UBN1: variants seen among roughly 807,000 people sequenced by gnomAD.
The protein encoded by UBN1 is ubinuclein 1, also known as ubinuclein-1.
A neutral mutation model predicts 108.5 loss-of-function variants in UBN1; 17 were observed. That is an observed-to-expected ratio of 0.16 (90% CI 0.11 to 0.24). The LOEUF (loss-of-function observed/expected upper bound fraction) is 0.24, where lower values mean the gene tolerates loss of function less well. Among genes scored for constraint, UBN1 ranks in the 10% least tolerant of loss-of-function variants. The probability of loss-of-function intolerance (pLI) is 1.00; values close to 1 mark genes in which losing one functional copy is unlikely to be tolerated. For synonymous variants in UBN1, 726 were observed against 564.2 expected (o/e 1.29, Z -4.07); for missense variants, 1,595 against 1,394.4 (o/e 1.14, Z -2.29).
At position 4,848,217 on chromosome 16, in the gene UBN1, G is replaced by C. The variant is rs1386252779; in HGVS notation, c.-40+7G>C. ...GTCGGCGCTGGGGACAAAGGTGCGTGTCGTTGTCGGGTCCGGGCTCTCTCG... is the reference window on the plus strand; with the variant it reads ...GTCGGCGCTGGGGACAAAGGTGCGTCTCGTTGTCGGGTCCGGGCTCTCTCG... On this transcript the variant is annotated splice_region_variant and intron_variant, in intron 1 of 17. Transcript: ENST00000262376. The C allele has an allele frequency of 6.6e-6, 1 of 152,254 alleles. No homozygotes were observed. The highest frequency in any genetic ancestry group is 6.5e-5 in the Admixed American group (1 of 15,286). 9.4% of individuals were successfully genotyped at this position (152,254 alleles called of 1,614,324 possible). A position where few individuals can be genotyped will look rare whatever the true frequency, so the allele number is the denominator to read the frequency against.
chr16:4,872,178 C>T (rs1039858247), intron 12 of UBN1: 1 of 967,156 alleles, frequency 1.0e-6, no homozygotes, highest in African/African-American at 1.8e-5. Flanking sequence ...TTGCTGTCCT[C>T]TCTACGTAGG....
intron 1 of UBN1, among the ~76,000 whole-genome samples, chr16:4,849,082 G>C (rs1235170959): frequency 6.6e-6 from 1 of 152,172 alleles, no homozygotes; most frequent in Non-Finnish European, 1.5e-5. Flanking sequence ...CTAGGCGACA[G>C]AGCGAGCGAG....
chr16:4,880,347 G>A lies in UBN1; in HGVS notation c.*215G>A. 1.8e-6 allele frequency: 1 copy of A among 559,148 alleles called. No homozygotes were observed. The highest frequency in any genetic ancestry group is 3.2e-6 in the Non-Finnish European group (1 of 310,550). 34.6% of individuals were successfully genotyped at this position (559,148 alleles called of 1,614,324 possible). A position where few individuals can be genotyped will look rare whatever the true frequency, so the allele number is the denominator to read the frequency against. ...GAGGTGCAGACTGCCCCGTGCTCTG[G>A]GCCTTGCAGCTCTGTCGCTAGACGG... On this transcript the variant is annotated 3_prime_UTR_variant, in exon 18 of 18. Coordinates refer to ENST00000262376, the MANE Select transcript of UBN1 (RefSeq NM_001079514.3).
At chr16:4,858,524 G>T (rs754124490) in intron 3 of UBN1, 44 bp from the exon 4 acceptor site, 2 of 1,565,560 alleles carry the variant, frequency 1.3e-6, no homozygotes, top group South Asian at 2.2e-5. Flanking sequence ...TTAATTCTGT[G>T]TGTTTATTCA....
rs748751402 is a variant in UBN1, at chr16:4,853,053, C to T, written c.136C>T (p.Arg46Trp). 1 of 1,614,196 alleles carries T rather than the reference C, an allele frequency of 6.2e-7. No homozygotes were observed. Among genetic ancestry groups the T allele is most frequent in the Non-Finnish European group, 8.5e-7 (1 of 1,180,048 alleles). Residue 46 changes from arginine (R) to tryptophan (W), a missense_variant, in exon 2 of 18, where the codon CGG becomes TGG. By Grantham distance (101) the Arg-to-Trp change is moderately radical. This residue lies in a region of UBN1 where 181 missense variants were observed against 157.3 expected (regional missense o/e 1.15). Transcript: ENST00000262376. ...CTGTGAGCCGGCTGCAGCAGCTGTT[C>T]GGATTACACTCACCCTCTTTGAACC... ...QDCEPAAAAVRITLTLFEPDH... is the reference protein window; with the variant it reads ...QDCEPAAAAVWITLTLFEPDH...
chr16:4,849,096 C>T (rs975360099), intron 1 of UBN1, among the ~76,000 whole-genome samples: 5 of 152,104 alleles, frequency 3.3e-5, no homozygotes, highest in African/African-American at 4.8e-5. Context: ...GAGCGAGACT[C>T]GTCCCCCCGC....
chr16:4,873,597 C>G (rs1161530873), intron 14 of UBN1, among the ~76,000 whole-genome samples: 2 of 152,170 alleles, frequency 1.3e-5, no homozygotes, highest in Non-Finnish European at 2.9e-5. Context: ...GTGTGGTGCC[C>G]TTAGCCATCC....
At chr16:4,875,565 A>G (rs2087841624) in intron 15 of UBN1, 131 bp downstream of exon 15, 1 of 1,328,668 alleles carries the variant, frequency 7.5e-7, no homozygotes, top group African/African-American at 1.5e-5. Context: ...GCTCAGACGT[A>G]GGAAGGGAGA....
chr16:4,861,998 T>G (rs553974776), intron 7 of UBN1, among the ~76,000 whole-genome samples: 1 of 152,338 alleles, frequency 6.6e-6, no homozygotes, highest in South Asian at 2.1e-4. Flanking sequence ...GCTGTTTTAC[T>G]CCAGTGATTG....
rs1265851741 is a variant in UBN1, at chr16:4,870,643, G to T, written c.1430+9G>T. ...CAGGCAAAGGTTGCCAAGTAAGTTT[G>T]TCCTGGCGCTTGCAGGTGCAACCCT... On this transcript the variant is annotated intron_variant, in intron 10 of 17. Transcript: ENST00000262376. 6.2e-7 allele frequency: 1 copy of T among 1,613,990 alleles called. No homozygotes were observed. The highest frequency in any genetic ancestry group is 1.7e-5 in the Admixed American group (1 of 60,010).
At position 4,866,600 on chromosome 16, in the gene UBN1, C is replaced by T. The variant is rs143161349; in HGVS notation, c.1111-2233C>T. On this transcript the variant is annotated intron_variant, in intron 7 of 17. Transcript: ENST00000262376. ...CGATCTTGCCTTACTGCAACCTCCA[C>T]GCCCAGGGCTCAAGTGATCCTGCCA... Among the ~76,000 whole-genome samples, 907 of 152,352 alleles carry T rather than the reference C, an allele frequency of 6.0e-3. 8 individuals carry two copies. The highest frequency in any genetic ancestry group is 0.02 in the African/African-American group (841 of 41,578).
chr16:4,868,032 C>G (rs2087423075), intron 7 of UBN1, among the ~76,000 whole-genome samples: 1 of 152,166 alleles, frequency 6.6e-6, no homozygotes, highest in Admixed American at 6.5e-5. Flanking sequence ...CCTGAATCTC[C>G]TTTCCAGAGA....
In UBN1 at chr16:4,847,525, G is replaced by A. The variant is rs1003707102; in HGVS notation, c.-725G>A. The A allele has an allele frequency of 2.3e-5, 11 of 488,054 alleles. No individual in the cohort carries two copies. Among genetic ancestry groups the A allele is most frequent in the Middle Eastern group, 5.4e-4 (1 of 1,864 alleles). The allele number at this position is 488,054 out of a possible 1,614,324, so 30.2% of individuals were successfully genotyped here. A position where few individuals can be genotyped will look rare whatever the true frequency, so the allele number is the denominator to read the frequency against. On this transcript the variant is annotated 5_prime_UTR_variant, in exon 1 of 18. Transcript: ENST00000262376. ...CGGCTCGTGACAACGAAGCGCCCGCGGTCTGAGGCGGCGGCGGCGGCGACG... is the reference window on the plus strand; with the variant it reads ...CGGCTCGTGACAACGAAGCGCCCGCAGTCTGAGGCGGCGGCGGCGGCGACG...
chr16:4,877,032 C>T lies in UBN1; in HGVS notation c.3186C>T (p.Ser1062=). The T allele has an allele frequency of 1.2e-6, 2 of 1,614,236 alleles. No individual in the cohort carries two copies. The highest frequency in any genetic ancestry group is 2.2e-5 in the East Asian group (1 of 44,884). ...ATGTGCTCTCCTTCAGCGCTGACTC[C>T]TCTGCCAAAGCAGGGGTCTCCAAGG... is the stretch of plus-strand genomic sequence containing the variant. ...PVHVLSFSAD[S]SAKAGVSKDA... The change falls in exon 16 of 18, where the codon TCC becomes TCT. Residue 1062 remains serine (S), a synonymous_variant. Transcript: ENST00000262376. The surrounding 1 kb of genome is among the most constrained non-coding windows in gnomAD (Gnocchi z 4.3).
chr16:4,853,770 C>T (rs1197999356), intron 2 of UBN1, among the ~76,000 whole-genome samples: 2 of 152,044 alleles, frequency 1.3e-5, no homozygotes, highest in African/African-American at 4.8e-5. Flanking sequence ...CTGTGTTGGC[C>T]AGGCTGGTCT....
chr16:4,864,053 C>T (rs915317559), intron 7 of UBN1, among the ~76,000 whole-genome samples: 1 of 148,890 alleles, frequency 6.7e-6, no homozygotes, highest in African/African-American at 2.5e-5. Flanking sequence ...AATCTGTGAT[C>T]CTGGTTTGTT....
chr16:4,860,166 G>C (rs539701898), intron 6 of UBN1, among the ~76,000 whole-genome samples, 198 bp downstream of exon 6: 1 of 152,330 alleles, frequency 6.6e-6, no homozygotes, highest in East Asian at 1.9e-4. Context: ...CACTGTCAGT[G>C]TTGGCAGCTA....
rs775634403 is a variant in UBN1 at position 4,874,216 on chromosome 16, G to A, written c.1806G>A (p.Ser602=). 6.1e-5 allele frequency: 95 copies of A among 1,550,376 alleles called. No homozygotes were observed. The highest frequency in any genetic ancestry group is 7.0e-5 in the Non-Finnish European group (81 of 1,149,674). Residue 602 remains serine, a synonymous_variant, in exon 15 of 18, where the codon TCG becomes TCA. Coordinates refer to ENST00000262376, the MANE Select transcript of UBN1 (RefSeq NM_001079514.3). ...ACATTTCTGTTTTCCTTTAGGAATC[G>A]TCTACGAAGCCTGATAAAAAGGTTT... ...MAPSKIKVKE[S]STKPDKKVSV...
At chr16:4,850,729 C>G (rs1016893441) in intron 1 of UBN1, among the ~76,000 whole-genome samples, 1 of 152,170 alleles carries the variant, frequency 6.6e-6, no homozygotes, top group Admixed American at 6.6e-5. Context: ...ATTTTGTGAT[C>G]ATAATTCGAC....
Sources: gnomAD v4.1 joint callset for allele counts (sites outside exome capture counted in the v4.1 genomes callset) on GRCh38, gnomAD v4.1.1 for gene constraint, gnomAD v4.1.1 regional missense constraint, Gnocchi (gnomAD v3.1) non-coding constraint, MANE v1.5 for transcripts, NCBI Gene and HGNC (gene_info 2026-07-23, HGNC 2026-07-21) for gene names.